The following SPTBN2 variants were observed in gnomAD, a reference collection of about 807,000 sequenced individuals.
The protein encoded by SPTBN2 is spectrin beta chain, non-erythrocytic 2.
A neutral mutation model predicts 284.2 loss-of-function variants in SPTBN2; 107 were observed. The observed-to-expected ratio is 0.38, with a 90% CI of 0.32 to 0.44. The LOEUF (loss-of-function observed/expected upper bound fraction) is 0.44. Ranked by LOEUF, SPTBN2 falls within the 20% of genes least tolerant of loss-of-function variation. The probability of loss-of-function intolerance (pLI) is 1.00; values close to 1 mark genes in which losing one functional copy is unlikely to be tolerated. For synonymous variants in SPTBN2, 1,289 were observed against 1,354.8 expected (o/e 0.95, Z 1.07); for missense variants, 2,569 against 3,287.1 (o/e 0.78, Z 5.34).
At chr11:66,716,486 A>AG (rs1237307762) in intron 3 of SPTBN2, among the ~76,000 whole-genome samples, 1 of 152,038 alleles carries the variant, frequency 6.6e-6, no homozygotes, top group African/African-American at 2.4e-5. Context: ...TCTCAAAAAA[A>AG]AAAAAGAAAA....
chr11:66,709,899 C>T (rs1472168420), intron 10 of SPTBN2, among the ~76,000 whole-genome samples: 1 of 152,210 alleles, frequency 6.6e-6, no homozygotes, highest in African/African-American at 2.4e-5. Flanking sequence ...CGTTACCAGC[C>T]ACACCCATGT....
At chr11:66,689,664 C>T (rs1045008820) in intron 29 of SPTBN2, 141 bp downstream of exon 29, 6 of 1,349,320 alleles carry the variant, frequency 4.4e-6, no homozygotes, top group South Asian at 2.4e-5. Flanking sequence ...TTCCAGAATG[C>T]GAGAAACCCG....
At position 66,693,314 on chromosome 11, in the gene SPTBN2, C is replaced by T. The variant is rs138824342; in HGVS notation, c.4726G>A (p.Glu1576Lys). The T allele has an allele frequency of 6.2e-6, 10 of 1,612,500 alleles. No homozygotes were observed. In the East Asian group the frequency reaches 1.1e-4, roughly 18 times the overall value. The change falls in exon 24 of 38, where the codon GAG becomes AAG. Residue 1576 changes from glutamate to lysine, a missense_variant. This residue lies in a region of SPTBN2 where 1,130 missense variants were observed against 1,317.3 expected (regional missense o/e 0.86). Coordinates refer to ENST00000533211, the MANE Select transcript of SPTBN2 (RefSeq NM_006946.4). The surrounding 1 kb of genome is among the most constrained non-coding windows in gnomAD (Gnocchi z 5.7). Reference protein sequence around the residue: ...LQEMWKRLGHELELRGKRLED... With the variant: ...LQEMWKRLGHKLELRGKRLED... ...AGTCGCTTCCCTCGAAGTTCCAGCT[C>T]GTGGCCCAGGCGTTTCCACATTTCC...
At chr11:66,744,612 C>T (rs1339735055) in exon 1 of SPTBN2, 1 of 251,236 alleles carries the variant, frequency 4.0e-6, no homozygotes, top group Non-Finnish European at 7.0e-6. Flanking sequence ...CACTGGCACC[C>T]GCGGCGCTCA....
rs1202392572 is a variant in SPTBN2, at chr11:66,701,016, C to T, written c.3083G>A (p.Gly1028Asp). The T allele has an allele frequency of 6.2e-7, 1 of 1,608,176 alleles. No individual in the cohort carries two copies. Reference protein sequence around the residue: ...LTREANALAAGHPAQAVAINA... With the variant: ...LTREANALAADHPAQAVAINA... ...GATGGCCACTGCCTGAGCGGGATGGCCGGCAGCCAGGGCATTTGCCTCTCG... is the reference window on the plus strand; with the variant it reads ...GATGGCCACTGCCTGAGCGGGATGGTCGGCAGCCAGGGCATTTGCCTCTCG... Residue 1028 changes from glycine (G) to aspartate (D), a missense_variant, in exon 17 of 38, where the codon GGC becomes GAC. Coordinates refer to ENST00000533211, the MANE Select transcript of SPTBN2 (RefSeq NM_006946.4).
intron 8 of SPTBN2, among the ~76,000 whole-genome samples, chr11:66,711,531 T>C (rs1386139416): frequency 6.6e-6 from 1 of 152,178 alleles, no homozygotes; most frequent in Non-Finnish European, 1.5e-5. Flanking sequence ...TCTCCAGGTG[T>C]GATCACGCCG....
intron 3 of SPTBN2, among the ~76,000 whole-genome samples, chr11:66,716,271 C>A (rs1353741701): frequency 2.0e-5 from 3 of 152,174 alleles, no homozygotes; most frequent in Non-Finnish European, 2.9e-5. Flanking sequence ...ATCACAAGGT[C>A]AGGAGATCGA....
chr11:66,724,341 T>C (rs1804377445), intron 1 of SPTBN2, among the ~76,000 whole-genome samples: 1 of 152,102 alleles, frequency 6.6e-6, no homozygotes, highest in Admixed American at 6.6e-5. Flanking sequence ...TCAAATTGCT[T>C]GAACCCAGGA....
At chr11:66,688,943 G>A in intron 30 of SPTBN2, 94 bp from the exon 31 acceptor site, 3 of 1,521,318 alleles carry the variant, frequency 2.0e-6, no homozygotes, top group East Asian at 4.6e-5. Flanking sequence ...GGGACACAGA[G>A]AAAGCCACTG....
rs775218307 is a variant in SPTBN2 at position 66,686,447 on chromosome 11, GGA to G, written c.6897-9_6897-8del. 10 of 1,613,926 alleles carry G rather than the reference GGA, an allele frequency of 6.2e-6. No individual in the cohort carries two copies. Among genetic ancestry groups the G allele is most frequent in the Middle Eastern group, 1.7e-4 (1 of 6,032 alleles). On this transcript the variant is annotated splice_polypyrimidine_tract_variant and splice_region_variant and intron_variant, in intron 36 of 37. Transcript: ENST00000533211. ...TTCTTTTCCATCCTGTAAGCTGTTG[GGA>G]GAGAGAGGCCACAGGGCAGAGCTGA...
At chr11:66,723,369 G>A (rs1366159820) in intron 1 of SPTBN2, among the ~76,000 whole-genome samples, 4 of 152,000 alleles carry the variant, frequency 2.6e-5, no homozygotes, top group Non-Finnish European at 5.9e-5. Context: ...CGGTAGTCTC[G>A]GGTTCTGGAA....
chr11:66,743,087 T>C (rs1591000254), intron 1 of SPTBN2, among the ~76,000 whole-genome samples: 1 of 127,840 alleles, frequency 7.8e-6, no homozygotes, highest in African/African-American at 3.0e-5. Flanking sequence ...CCTTGGCAAC[T>C]CCTCTTCTGA....
Position 66,710,623 on chromosome 11 carries a change from C to A in SPTBN2, c.1032G>T (p.Leu344=), listed in dbSNP as rs1361600218. The change falls in exon 10 of 38, where the codon CTG becomes CTT. Residue 344 remains leucine, a synonymous_variant. Transcript: ENST00000533211. The surrounding 1 kb of genome is among the most constrained non-coding windows in gnomAD (Gnocchi z 4.9). ...ANSLSGVQNQ[L]QSFNSYRTVE... Reference sequence around the variant, plus strand: ...CGGTGCGGTAGGAGTTGAAGGACTGCAGCTGGTTCTGGACCCCGCTAAGGG... The same window carrying A: ...CGGTGCGGTAGGAGTTGAAGGACTGAAGCTGGTTCTGGACCCCGCTAAGGG... The A allele has an allele frequency of 6.2e-7, 1 of 1,614,084 alleles. No homozygotes were observed. Among genetic ancestry groups the A allele is most frequent in the African/African-American group, 1.3e-5 (1 of 75,056 alleles).
At position 66,704,870 on chromosome 11, in the gene SPTBN2, G is replaced by T; in HGVS notation, c.2406C>A (p.Thr802=). 6.2e-7 allele frequency: 1 copy of T among 1,610,576 alleles called. No individual in the cohort carries two copies. Among genetic ancestry groups the T allele is most frequent in the Non-Finnish European group, 8.5e-7 (1 of 1,179,872 alleles). The change falls in exon 15 of 38, where the codon ACC becomes ACA. Residue 802 remains threonine (T), a synonymous_variant. Transcript: ENST00000533211. The stretch of plus-strand genomic sequence containing the variant: ...CTGCCTGTTCCCTCAAGGCGTCCAG[G>T]GTTGGCCGGTGGCTTCGAATCTCCT... ...LEEEIRSHRP[T]LDALREQAAA...
chr11:66,704,543 G>GCCCCCCC, intron 15 of SPTBN2, 55 bp downstream of exon 15: 3 of 1,550,560 alleles, frequency 1.9e-6, no homozygotes, highest in Non-Finnish European at 2.6e-6. Context: ...CCACATCCTG[G>GCCCCCCC]CCCCCCCACC....
chr11:66,704,828 T>G lies in SPTBN2; in HGVS notation c.2448A>C (p.Thr816=), dbSNP rs764395579. ...LREQAAALPP[T]LSRTPEVQSR... Reference sequence around the variant, plus strand: ...TCTGCACCTCGGGCGTGCGGCTCAGTGTGGGGGGCAGGGCTGCTGCCTGTT... The same window carrying G: ...TCTGCACCTCGGGCGTGCGGCTCAGGGTGGGGGGCAGGGCTGCTGCCTGTT... Residue 816 remains threonine (T), a synonymous_variant, in exon 15 of 38, where the codon ACA becomes ACC. Coordinates refer to ENST00000533211, the MANE Select transcript of SPTBN2 (RefSeq NM_006946.4). The G allele has an allele frequency of 6.2e-7, 1 of 1,607,384 alleles. No homozygotes were observed. Among genetic ancestry groups the G allele is most frequent in the South Asian group, 1.1e-5 (1 of 91,038 alleles).
At chr11:66,723,238 T>G (rs1411041542) in intron 1 of SPTBN2, among the ~76,000 whole-genome samples, 1 of 151,664 alleles carries the variant, frequency 6.6e-6, no homozygotes, top group Non-Finnish European at 1.5e-5. Context: ...CCAAAGTTCT[T>G]GTGTAATTTA....
rs560852193 is a variant in SPTBN2, at chr11:66,691,213, G to A, written c.5565+71C>T. 1 of 1,493,126 alleles carries A rather than the reference G, an allele frequency of 6.7e-7. No individual in the cohort carries two copies. The highest frequency in any genetic ancestry group is 8.9e-7 in the Non-Finnish European group (1 of 1,120,346). The allele number at this position is 1,493,126 out of a possible 1,614,324, so 92.5% of individuals were successfully genotyped here. A position where few individuals can be genotyped will look rare whatever the true frequency, so the allele number is the denominator to read the frequency against. ...ATTTCTGAGCTCTACCCTAGCTCCT[G>A]GGAACTCTCCCCGGCATTTCCCCCA... On this transcript the variant is annotated intron_variant, in intron 27 of 37. Transcript: ENST00000533211. This position sits in a 1 kb window ranked among gnomAD's most constrained non-coding sequence, Gnocchi z 8.0.
At chr11:66,721,059 C>G (rs755340865) in intron 3 of SPTBN2, 25 bp downstream of exon 3, 3 of 1,614,124 alleles carry the variant, frequency 1.9e-6, no homozygotes, top group South Asian at 1.1e-5. Flanking sequence ...AGCATCCCCC[C>G]ACCTCGACCC....
Sources: allele counts gnomAD v4.1 joint callset (sites outside exome capture counted in the v4.1 genomes callset), GRCh38; gene constraint gnomAD v4.1.1; regional missense constraint gnomAD v4.1.1; non-coding constraint Gnocchi (gnomAD v3.1); transcripts MANE v1.5; gene names NCBI Gene and HGNC (gene_info 2026-07-23, HGNC 2026-07-21).